SPP2: variants seen among roughly 807,000 people sequenced by gnomAD.
The protein encoded by SPP2 is secreted phosphoprotein 24.
A neutral mutation model predicts 28.8 loss-of-function variants in SPP2; 34 were observed. The ratio of observed to expected loss-of-function variants is 1.18; its 90% CI spans 0.90 to 1.57. SPP2 has a LOEUF of 1.57. Ranked by LOEUF, SPP2 falls within the 40% of genes most tolerant of loss-of-function variation. The pLI, the probability that SPP2 is intolerant of heterozygous loss-of-function variation, is 0.00. For synonymous variants in SPP2, 96 were observed against 89.4 expected, an observed-to-expected ratio of 1.07 and a Z score of -0.42; for missense variants, 269 against 263.9, an observed-to-expected ratio of 1.02 and a Z score of -0.13.
chr2:234,056,258 G>GGATC (rs1422946269), intron 2 of SPP2: 5 of 152,114 alleles, frequency 3.3e-5, no homozygotes, highest in African/African-American at 1.2e-4. Flanking sequence ...AGTGGGCGAA[G>GGATC]GATATGAACA....
intron 7 of SPP2, among the ~76,000 whole-genome samples, chr2:234,075,357 A>C (rs895429683): frequency 2.0e-5 from 3 of 152,064 alleles, no homozygotes; most frequent in African/African-American, 7.2e-5. Flanking sequence ...TGTCTTTTTA[A>C]AAACACCATC....
In SPP2 at chr2:234,075,491, G is replaced by A. The variant is rs533500977; in HGVS notation, c.*11-1354G>A. On this transcript the variant is annotated intron_variant, in intron 7 of 7. Coordinates refer to ENST00000168148, the MANE Select transcript of SPP2 (RefSeq NM_006944.3). Reference sequence around the variant, plus strand: ...CCTTCTCCTCCTGGACCTCACGGCCGCGTTGGATGTGGGTGACCACTCCTT... The same window carrying A: ...CCTTCTCCTCCTGGACCTCACGGCCACGTTGGATGTGGGTGACCACTCCTT... Among the ~76,000 whole-genome samples the A allele has an allele frequency of 6.2e-4, 94 of 152,226 alleles. 1 individual carries two copies. The South Asian group carries it at 0.018, about 30-fold the overall frequency.
intron 2 of SPP2, among the ~76,000 whole-genome samples, chr2:234,054,012 G>A (rs148021838): frequency 2.0e-5 from 3 of 152,350 alleles, no homozygotes; most frequent in African/African-American, 7.2e-5. Flanking sequence ...GTACCGTAGA[G>A]GAGGGTAAGC....
chr2:234,075,276 C>T (rs915695521), intron 7 of SPP2, among the ~76,000 whole-genome samples: 5 of 152,194 alleles, frequency 3.3e-5, no homozygotes, highest in Admixed American at 2.0e-4. Flanking sequence ...TGAGGATTGA[C>T]TGCTGAGTGG....
chr2:234,070,407 AC>A (rs1690740640), intron 7 of SPP2, among the ~76,000 whole-genome samples: 1 of 152,108 alleles, frequency 6.6e-6, no homozygotes, highest in African/African-American at 2.4e-5. Flanking sequence ...TCCTCACCTC[AC>A]ATCTATGAAA....
intron 7 of SPP2, among the ~76,000 whole-genome samples, chr2:234,073,857 G>A (rs916548801): frequency 1.3e-5 from 2 of 152,098 alleles, no homozygotes; most frequent in African/African-American, 4.8e-5. Context: ...TGTCAATAAG[G>A]GCACAGTAAA....
intron 3 of SPP2, 109 bp from the exon 4 acceptor site, chr2:234,060,260 T>A (rs1693691366): frequency 1.3e-6 from 1 of 751,996 alleles, no homozygotes; most frequent in Middle Eastern, 2.3e-4. Context: ...TGTGAAGTTT[T>A]TCTTTGTCAT....
chr2:234,051,528 C>G (rs1476774860), intron 2 of SPP2, among the ~76,000 whole-genome samples: 1 of 152,194 alleles, frequency 6.6e-6, no homozygotes, highest in Non-Finnish European at 1.5e-5. Flanking sequence ...TGGTAATAGT[C>G]TGTTTCCTCT....
Position 234,066,552 on chromosome 2 carries a change from T to C in SPP2, c.464T>C (p.Leu155Ser). The change falls in exon 5 of 8, where the codon TTG (leucine) becomes TCG (serine). Residue 155 changes from leucine to serine, a missense_variant. By Grantham distance (145) the Leu-to-Ser change is moderately radical. Transcript: ENST00000168148. ...CTTTAGATGATTTTTGGGGACATGT[T>C]GGGATCTCATAAATGGAGAAACAAT... ...SSEEMIFGDM[L>S]GSHKWRNNYL... is the part of the protein sequence containing the mutation. 1 of 1,612,594 alleles carries C rather than the reference T, an allele frequency of 6.2e-7. No individual in the cohort carries two copies. The highest frequency in any genetic ancestry group is 8.5e-7 in the Non-Finnish European group (1 of 1,179,690).
intron 4 of SPP2, among the ~76,000 whole-genome samples, chr2:234,064,415 C>T (rs1693778486): frequency 6.6e-6 from 1 of 152,076 alleles, no homozygotes; most frequent in African/African-American, 2.4e-5. Flanking sequence ...GTTAGAGAAA[C>T]CTCTTGGTAT....
At chr2:234,052,967 T>C (rs1368316820) in intron 2 of SPP2, among the ~76,000 whole-genome samples, 1 of 152,160 alleles carries the variant, frequency 6.6e-6, no homozygotes, top group African/African-American at 2.4e-5. Flanking sequence ...CTAGCAGACA[T>C]GAGGGATACA....
intron 2 of SPP2, 66 bp downstream of exon 2, chr2:234,051,161 G>T: frequency 6.4e-7 from 1 of 1,565,424 alleles, no homozygotes; most frequent in African/African-American, 1.4e-5. Context: ...TCAGTTCATT[G>T]GATATACTTT....
chr2:234,074,564 T>C (rs1228303424), intron 7 of SPP2, among the ~76,000 whole-genome samples: 4 of 152,180 alleles, frequency 2.6e-5, no homozygotes, highest in Non-Finnish European at 5.9e-5. Context: ...CATTTACACT[T>C]ACTCTGATTC....
At chr2:234,054,836 G>C (rs1693574556) in intron 2 of SPP2, among the ~76,000 whole-genome samples, 1 of 152,180 alleles carries the variant, frequency 6.6e-6, no homozygotes, top group Non-Finnish European at 1.5e-5. Context: ...AGTCAGGGCA[G>C]GGAGGATGCG....
intron 2 of SPP2, among the ~76,000 whole-genome samples, chr2:234,054,548 T>C (rs550386471): frequency 6.6e-6 from 1 of 152,290 alleles, no homozygotes; most frequent in Admixed American, 6.5e-5. Flanking sequence ...GGCTGCAGAC[T>C]GCTGATTTCC....
chr2:234,052,707 T>A (rs907474009), intron 2 of SPP2, among the ~76,000 whole-genome samples: 2 of 152,154 alleles, frequency 1.3e-5, no homozygotes, highest in Non-Finnish European at 2.9e-5. Flanking sequence ...TACCTGGAGG[T>A]CTGCCTATTC....
rs1195361133 is a variant in SPP2, at chr2:234,077,119, C to T, written c.*285C>T. ...ATCAGTTTCAATCTGTAATAAATGC[C>T]TTATTTTTCCTGTAAGACTTTTTCT... is the stretch of plus-strand genomic sequence containing the variant. On this transcript the variant is annotated 3_prime_UTR_variant, in exon 8 of 8. Transcript: ENST00000168148. 2.6e-5 allele frequency: 4 copies of T among 152,090 alleles called. No homozygotes were observed. The highest frequency in any genetic ancestry group is 9.7e-5 in the African/African-American group (4 of 41,410). The allele number at this position is 152,090 out of a possible 1,614,324, so 9.4% of individuals were successfully genotyped here.
intron 2 of SPP2, among the ~76,000 whole-genome samples, chr2:234,053,150 A>G (rs1446545186): frequency 6.8e-6 from 1 of 146,084 alleles, no homozygotes. Context: ...AAAGAAGAAT[A>G]ACAAGGTAAA....
intron 2 of SPP2, among the ~76,000 whole-genome samples, chr2:234,056,846 A>G (rs1459341784): frequency 1.3e-5 from 2 of 152,028 alleles, no homozygotes; most frequent in African/African-American, 2.4e-5. Flanking sequence ...AGCACTCATT[A>G]TGTGTCCTAT....
Sources: allele counts gnomAD v4.1 joint callset (sites outside exome capture counted in the v4.1 genomes callset), GRCh38; gene constraint gnomAD v4.1.1; transcripts MANE v1.5; gene names NCBI Gene and HGNC (gene_info 2026-07-23, HGNC 2026-07-21).